PDE1C: variants seen among roughly 807,000 people sequenced by gnomAD.
The protein encoded by PDE1C is phosphodiesterase 1C.
PDE1C carries 62 observed loss-of-function variants against 93.1 expected under a neutral mutation model. The ratio of observed to expected loss-of-function variants is 0.67; its 90% CI spans 0.54 to 0.82. PDE1C has a LOEUF of 0.82. Ranked by LOEUF, PDE1C falls within the 40% of genes least tolerant of loss-of-function variation. The probability of loss-of-function intolerance (pLI) is 0.00; values close to 1 mark genes in which losing one functional copy is unlikely to be tolerated. For missense variants in PDE1C, 742 were observed against 884.6 expected (o/e 0.84, Z 2.04); for synonymous variants, 325 against 310.1 (o/e 1.05, Z -0.50).
chr7:32,335,866 C>T (rs1783609145), intron 1 of PDE1C, among the ~76,000 whole-genome samples: 2 of 152,058 alleles, frequency 1.3e-5, no homozygotes, highest in Admixed American at 1.3e-4. Flanking sequence ...GTATCTGGGT[C>T]CATAGGCATG....
chr7:31,692,144 TGAGA>T, the PDE1C span, among the ~76,000 whole-genome samples: 1 of 152,180 alleles, frequency 6.6e-6, no homozygotes, highest in Non-Finnish European at 1.5e-5. Flanking sequence ...AATGTGTCTC[TGAGA>T]GAGGGCAAAT....
chr7:32,128,932 T>G (rs1340464703), intron 3 of PDE1C, among the ~76,000 whole-genome samples: 3 of 105,824 alleles, frequency 2.8e-5, no homozygotes, highest in East Asian at 2.3e-4. Flanking sequence ...TATATATATA[T>G]ATATATATAT....
At chr7:32,166,024 C>T (rs1373351703) in intron 3 of PDE1C, among the ~76,000 whole-genome samples, 1 of 147,802 alleles carries the variant, frequency 6.8e-6, no homozygotes, top group African/African-American at 2.5e-5. Flanking sequence ...CTCAGTATGA[C>T]AGTTAAGAAA....
chr7:31,985,347 G>A (rs371180940), intron 2 of PDE1C, among the ~76,000 whole-genome samples: 1 of 152,154 alleles, frequency 6.6e-6, no homozygotes, highest in Admixed American at 6.5e-5. Flanking sequence ...CCAAAAAGTG[G>A]CTTTCCAGGA....
At chr7:31,864,892 A>G (rs145700730) in intron 7 of PDE1C, 50 bp downstream of exon 7, 22,511 of 1,581,146 alleles carry the variant, frequency 0.014, 219 homozygotes, top group Non-Finnish European at 0.018. Flanking sequence ...ACCATTAAAA[A>G]CTCATCCTTA....
chr7:31,857,798 TA>T, intron 7 of PDE1C, among the ~76,000 whole-genome samples: 1 of 152,296 alleles, frequency 6.6e-6, no homozygotes. Context: ...CCCCATCAGT[TA>T]AAAGAGATAA....
At chr7:32,051,100 A>G (rs1793293368) in intron 2 of PDE1C, among the ~76,000 whole-genome samples, 1 of 152,202 alleles carries the variant, frequency 6.6e-6, no homozygotes, top group African/African-American at 2.4e-5. Context: ...AAAGACTGCC[A>G]CTGCCCTTAA....
intron 2 of PDE1C, among the ~76,000 whole-genome samples, chr7:32,205,492 C>T (rs1328546458): frequency 6.6e-6 from 1 of 152,000 alleles, no homozygotes; most frequent in African/African-American, 2.4e-5. Flanking sequence ...AATCAGCACT[C>T]TGTAAAATGG....
chr7:31,654,962 T>C, the PDE1C span, among the ~76,000 whole-genome samples: 3 of 152,166 alleles, frequency 2.0e-5, no homozygotes, highest in Non-Finnish European at 4.4e-5. Context: ...ATTTTTCCCA[T>C]GGACTTAACA....
intron 2 of PDE1C, among the ~76,000 whole-genome samples, chr7:31,933,182 T>C (rs4723116): frequency 0.46 from 70,478 of 151,918 alleles, 17,131 homozygotes; most frequent in Non-Finnish European, 0.54. Context: ...TGTATACCTA[T>C]GTAACAAACC....
intron 3 of PDE1C, among the ~76,000 whole-genome samples, chr7:32,158,897 T>C (rs1290748326): frequency 6.6e-6 from 1 of 152,216 alleles, no homozygotes; most frequent in Non-Finnish European, 1.5e-5. Context: ...TTGCTTTACC[T>C]GGTTCCAAAC....
At chr7:32,296,328 A>G (rs1812606867) in intron 1 of PDE1C, among the ~76,000 whole-genome samples, 1 of 152,252 alleles carries the variant, frequency 6.6e-6, no homozygotes, top group Admixed American at 6.5e-5. Flanking sequence ...CACAGATTCT[A>G]AGTCTGATTT....
Position 32,316,216 on chromosome 7 carries a change from C to T in PDE1C, c.311-106677G>A, listed in dbSNP as rs139363097. ...TTGAATGAATGAATACATGAATATT[C>T]TATTTCTGGTGGTAGTTTAAGAAGA... On this transcript the variant is annotated intron_variant, in intron 1 of 1. Coordinates refer to the PDE1C transcript ENST00000672256. 1.6e-4 allele frequency among the ~76,000 whole-genome samples: 25 copies of T among 152,278 alleles called. No individual in the cohort carries two copies. The East Asian group carries it at 4.8e-3, about 29-fold the overall frequency.
chr7:31,896,817 ATTAAGCTACC>A (rs1221254443), intron 2 of PDE1C, among the ~76,000 whole-genome samples: 1 of 152,208 alleles, frequency 6.6e-6, no homozygotes. Flanking sequence ...AATTGGAATA[ATTAAGCTACC>A]TTGTCATGGT....
chr7:31,779,261 G>C (rs538872572), intron 16 of PDE1C, among the ~76,000 whole-genome samples: 19 of 152,286 alleles, frequency 1.2e-4, no homozygotes, highest in African/African-American at 4.1e-4. Context: ...GTGAAGTTGA[G>C]AGAACAAATT....
intron 2 of PDE1C, among the ~76,000 whole-genome samples, chr7:31,969,668 T>C (rs1052260392): frequency 1.3e-5 from 2 of 152,198 alleles, no homozygotes; most frequent in African/African-American, 4.8e-5. Context: ...TTATAAATCA[T>C]GCTGCTATAA....
At chr7:31,797,497 A>G (rs1785453007) in intron 16 of PDE1C, among the ~76,000 whole-genome samples, 1 of 151,798 alleles carries the variant, frequency 6.6e-6, no homozygotes, top group African/African-American at 2.4e-5. Context: ...ATTACAAATG[A>G]TTCATTACTA....
At chr7:31,685,444 C>T in the PDE1C span, among the ~76,000 whole-genome samples, 1 of 152,202 alleles carries the variant, frequency 6.6e-6, no homozygotes, top group South Asian at 2.1e-4. Context: ...TGTATTATCC[C>T]TCACAACGAC....
At chr7:31,819,943 C>G in intron 14 of PDE1C, among the ~76,000 whole-genome samples, 1 of 152,010 alleles carries the variant, frequency 6.6e-6, no homozygotes, top group East Asian at 1.9e-4. Context: ...CAGTTCTATA[C>G]AAGAACAAAG....
Sources: allele counts gnomAD v4.1 joint callset (sites outside exome capture counted in the v4.1 genomes callset), GRCh38; gene constraint gnomAD v4.1.1; transcripts MANE v1.5; gene names NCBI Gene and HGNC (gene_info 2026-07-23, HGNC 2026-07-21).